NSDHL: variants seen among roughly 807,000 people sequenced by gnomAD.
NSDHL encodes the protein NAD(P) dependent 3-beta-hydroxysteroid dehydrogenase NSDHL.
A neutral mutation model predicts 23.0 loss-of-function variants in NSDHL; 1 was observed. That is an observed-to-expected ratio of 0.04 (90% CI 0.02 to 0.21). NSDHL has a LOEUF of 0.21. Among genes scored for constraint, NSDHL ranks in the 10% least tolerant of loss-of-function variants. NSDHL has a pLI of 1.00. For missense variants in NSDHL, 237 were observed against 300.9 expected (o/e 0.79, Z 1.57); for synonymous variants, 128 against 121.1 (o/e 1.06, Z -0.37).
rs782456872 is a variant in NSDHL, at chrX:152,861,127, C to A, written c.415-1469C>A. On this transcript the variant is annotated intron_variant, in intron 4 of 7. Coordinates refer to ENST00000370274, the MANE Select transcript of NSDHL (RefSeq NM_015922.3). Reference sequence around the variant, plus strand: ...AAGGAACATTTTCCAACACTGAGATCAAAAGATTATTTAATGTACTTTTTT... The same window carrying A: ...AAGGAACATTTTCCAACACTGAGATAAAAAGATTATTTAATGTACTTTTTT... Among the ~76,000 whole-genome samples the A allele has an allele frequency of 1.2e-3, 136 of 112,686 alleles. 2 individuals carry two copies. Among genetic ancestry groups the A allele is most frequent in the Admixed American group, 3.7e-3 (39 of 10,676 alleles).
chrX:152,854,163 G>A (rs1309157090), intron 3 of NSDHL, among the ~76,000 whole-genome samples: 3 of 111,828 alleles, frequency 2.7e-5, no homozygotes, highest in South Asian at 7.5e-4. Flanking sequence ...CTTGAGTACA[G>A]ATTTCAAGGG....
chrX:152,835,757 CAT>C (rs1933085983), intron 1 of NSDHL, among the ~76,000 whole-genome samples: 1 of 111,854 alleles, frequency 8.9e-6, no homozygotes, highest in African/African-American at 3.3e-5. Flanking sequence ...CCACAATAAA[CAT>C]ATGTGTGCAT....
intron 3 of NSDHL, among the ~76,000 whole-genome samples, chrX:152,853,128 C>CGTGTGT (rs35307183): frequency 0.2 from 19,313 of 96,573 alleles, 1,889 homozygotes; most frequent in Admixed American, 0.28. Context: ...CTCTCAGGCA[C>CGTGTGT]GTGTGTGTGT....
chrX:152,847,839 A>G (rs1933297164), intron 2 of NSDHL, among the ~76,000 whole-genome samples: 1 of 110,281 alleles, frequency 9.1e-6, no homozygotes, highest in Non-Finnish European at 1.9e-5. Context: ...TATTGCAATT[A>G]GATTAGTTTG....
chrX:152,859,212 G>A (rs1474258709), intron 4 of NSDHL, among the ~76,000 whole-genome samples: 3 of 111,933 alleles, frequency 2.7e-5, no homozygotes, highest in African/African-American at 9.7e-5. Flanking sequence ...TTTTTATTGT[G>A]ATAAAATATA....
rs904439091 is a variant in NSDHL at position 152,837,153 on chromosome X, G to T, written c.-44+6036G>T. Among the ~76,000 whole-genome samples the T allele has an allele frequency of 9.8e-5, 11 of 111,833 alleles. 2 individuals carry two copies. In the East Asian group the frequency reaches 1.7e-3, roughly 17 times the overall value. On this transcript the variant is annotated intron_variant, in intron 1 of 7. Transcript: ENST00000370274. ...GCTTGTGATTTTTGCACATTGATTTGGTATCCTGAGACTTTGCTGAAGTTG... is the reference window on the plus strand; with the variant it reads ...GCTTGTGATTTTTGCACATTGATTTTGTATCCTGAGACTTTGCTGAAGTTG...
chrX:152,862,592 T>C lies in NSDHL; in HGVS notation c.415-4T>C. The C allele has an allele frequency of 8.3e-7, 1 of 1,206,188 alleles. No individual in the cohort carries two copies. Among genetic ancestry groups the C allele is most frequent in the East Asian group, 3.0e-5 (1 of 33,732 alleles). On this transcript the variant is annotated splice_region_variant and splice_polypyrimidine_tract_variant and intron_variant, in intron 4 of 7. Coordinates refer to ENST00000370274, the MANE Select transcript of NSDHL (RefSeq NM_015922.3). ...TTTTATTTTTTCTGACCTTCCTCTGTCAGAAACTCATTTTAACCAGCAGTG... is the reference window on the plus strand; with the variant it reads ...TTTTATTTTTTCTGACCTTCCTCTGCCAGAAACTCATTTTAACCAGCAGTG...
At chrX:152,852,044 C>G (rs1483963628) in intron 3 of NSDHL, among the ~76,000 whole-genome samples, 2 of 111,001 alleles carry the variant, frequency 1.8e-5, no homozygotes, top group East Asian at 2.8e-4. Flanking sequence ...TTAACCCCAC[C>G]CAGACATCCA....
chrX:152,838,356 G>GCT (rs782752251), intron 1 of NSDHL, among the ~76,000 whole-genome samples: 264 of 111,382 alleles, frequency 2.4e-3, no homozygotes, highest in African/African-American at 8.2e-3. Context: ...GAATGTGTTT[G>GCT]CTCTTGTTTC....
intron 3 of NSDHL, among the ~76,000 whole-genome samples, chrX:152,856,382 T>G (rs1231553106): frequency 1.8e-5 from 2 of 112,544 alleles, no homozygotes; most frequent in African/African-American, 3.2e-5. Flanking sequence ...CTATAAACTT[T>G]AAAGTCACTG....
chrX:152,865,796 C>T (rs782462876), intron 5 of NSDHL, 23 bp from the exon 6 acceptor site: 2 of 1,210,727 alleles, frequency 1.7e-6, no homozygotes, highest in African/African-American at 1.7e-5. Flanking sequence ...AATGGACGTG[C>T]CCCTTCTCCC....
At chrX:152,847,591 G>C in intron 2 of NSDHL, among the ~76,000 whole-genome samples, 1 of 112,060 alleles carries the variant, frequency 8.9e-6, no homozygotes, top group East Asian at 2.8e-4. Context: ...TTTTCAGCTA[G>C]TTTCAAATTT....
intron 4 of NSDHL, 141 bp downstream of exon 4, chrX:152,859,057 C>G: frequency 2.1e-6 from 1 of 475,103 alleles, no homozygotes; most frequent in South Asian, 3.8e-5. Flanking sequence ...AAATGAAGCC[C>G]TTGGAGTCAC....
chrX:152,835,828 T>G (rs377678760), intron 1 of NSDHL, among the ~76,000 whole-genome samples: 17 of 111,869 alleles, frequency 1.5e-4, no homozygotes, highest in African/African-American at 5.5e-4. Flanking sequence ...GTAATGGGAT[T>G]GCTGGGTCAA....
chrX:152,846,082 T>C (rs1008010185), intron 1 of NSDHL, among the ~76,000 whole-genome samples, 200 bp from the exon 2 acceptor site: 9 of 113,083 alleles, frequency 8.0e-5, no homozygotes, highest in Non-Finnish European at 1.5e-4. Context: ...GCCCAGTCGT[T>C]GGCCCCGTTA....
chrX:152,846,161 C>T (rs1346815703), intron 1 of NSDHL, 121 bp from the exon 2 acceptor site: 5 of 497,457 alleles, frequency 1.0e-5, no homozygotes, highest in South Asian at 5.6e-5. Context: ...GAACAGCTGT[C>T]GCTATGGTTC....
At chrX:152,854,566 C>T (rs1162274265) in intron 3 of NSDHL, among the ~76,000 whole-genome samples, 1 of 110,093 alleles carries the variant, frequency 9.1e-6, no homozygotes, top group Non-Finnish European at 1.9e-5. Context: ...CCCACCGCCA[C>T]ACCCGGCTAA....
chrX:152,843,187 TG>T (rs1556845121), intron 1 of NSDHL, among the ~76,000 whole-genome samples: 1 of 112,394 alleles, frequency 8.9e-6, no homozygotes, highest in African/African-American at 3.2e-5. Context: ...GTTTCTTCTT[TG>T]ACCTCCTACA....
chrX:152,869,308 T>G lies in NSDHL; in HGVS notation c.*192T>G, dbSNP rs1462355963. The stretch of plus-strand genomic sequence containing the variant: ...ACAGACATTTCTTCCTTCATGGAAC[T>G]GGATTTGGATTTCTTGAAGCAGGCA... On this transcript the variant is annotated 3_prime_UTR_variant, in exon 8 of 8. Coordinates refer to ENST00000370274, the MANE Select transcript of NSDHL (RefSeq NM_015922.3). The G allele has an allele frequency of 1.3e-5, 6 of 470,319 alleles. No individual in the cohort carries two copies. The Admixed American group carries it at 1.8e-4, about 14-fold the overall frequency. The allele number at this position is 470,319 out of a possible 1,213,427, so 38.8% of individuals were successfully genotyped here.
Sources: gnomAD v4.1 joint callset for allele counts (sites outside exome capture counted in the v4.1 genomes callset) on GRCh38, gnomAD v4.1.1 for gene constraint, MANE v1.5 for transcripts, NCBI Gene and HGNC (gene_info 2026-07-23, HGNC 2026-07-21) for gene names.